The following TOX variants were observed in gnomAD, a reference collection of about 807,000 sequenced individuals.
TOX encodes the protein thymocyte selection-associated high mobility group box protein TOX.
In TOX, 11 loss-of-function variants were observed where a neutral mutation model predicts 53.7. The observed-to-expected ratio is 0.20, with a 90% CI of 0.13 to 0.34. The LOEUF (loss-of-function observed/expected upper bound fraction) is 0.34. Among genes scored for constraint, TOX ranks in the 10% least tolerant of loss-of-function variants. The pLI is 1.00. For missense variants in TOX, 570 were observed against 664.6 expected (o/e 0.86, Z 1.56); for synonymous variants, 225 against 245.3 (o/e 0.92, Z 0.77).
At chr8:59,075,722 C>A (rs1804281554) in intron 1 of TOX, among the ~76,000 whole-genome samples, 1 of 152,014 alleles carries the variant, frequency 6.6e-6, no homozygotes, top group Non-Finnish European at 1.5e-5. Flanking sequence ...TAGCTAAAAC[C>A]TTGATGAGAT....
intron 4 of TOX, among the ~76,000 whole-genome samples, chr8:58,848,420 A>C (rs1387480801): frequency 1.3e-5 from 2 of 152,150 alleles, no homozygotes; most frequent in African/African-American, 2.4e-5. Flanking sequence ...TAAAGATTTC[A>C]TTTTAAAGTA....
At chr8:59,000,639 T>C (rs141913423) in intron 1 of TOX, among the ~76,000 whole-genome samples, 228 of 152,328 alleles carry the variant, frequency 1.5e-3, no homozygotes, top group Middle Eastern at 0.014. Flanking sequence ...AGTATTATTG[T>C]TACTCAGTAG....
chr8:58,903,812 T>C (rs7828772), intron 3 of TOX, among the ~76,000 whole-genome samples: 5,387 of 152,286 alleles, frequency 0.035, 312 homozygotes, highest in African/African-American at 0.12. Context: ...CTTAGAGATA[T>C]TTAATTAATG....
chr8:59,050,529 T>G (rs1006266843), intron 1 of TOX, among the ~76,000 whole-genome samples: 4 of 152,248 alleles, frequency 2.6e-5, no homozygotes, highest in Non-Finnish European at 5.9e-5. Flanking sequence ...TTTATTGAAA[T>G]TTTTTTCTAA....
At chr8:58,864,342 C>T (rs553278411) in intron 3 of TOX, among the ~76,000 whole-genome samples, 23 of 152,172 alleles carry the variant, frequency 1.5e-4, no homozygotes, top group African/African-American at 5.5e-4. Context: ...TCTGTAGTTT[C>T]AAGACTATAT....
intron 1 of TOX, among the ~76,000 whole-genome samples, chr8:59,065,231 C>CA (rs1804065431): frequency 2.0e-5 from 3 of 151,994 alleles, no homozygotes; most frequent in African/African-American, 7.2e-5. Context: ...ACAACAACAA[C>CA]AACAAAAAAA....
intron 3 of TOX, among the ~76,000 whole-genome samples, chr8:58,926,612 C>T (rs972636457): frequency 6.6e-6 from 1 of 152,212 alleles, no homozygotes; most frequent in African/African-American, 2.4e-5. Flanking sequence ...TTTAGACCTA[C>T]TATTCTTGGC....
intron 6 of TOX, among the ~76,000 whole-genome samples, chr8:58,823,440 T>G (rs1197791081): frequency 1.3e-5 from 2 of 152,138 alleles, no homozygotes; most frequent in African/African-American, 2.4e-5. Context: ...GCCAGGCTGG[T>G]CTTGAACTCC....
intron 1 of TOX, among the ~76,000 whole-genome samples, chr8:59,105,501 T>C (rs569057004): frequency 2.4e-4 from 36 of 152,196 alleles, no homozygotes; most frequent in Non-Finnish European, 3.8e-4. Context: ...TTCTTTAGCA[T>C]TTTAAAGGTA....
intron 1 of TOX, among the ~76,000 whole-genome samples, chr8:59,020,639 T>A (rs1814106620): frequency 6.6e-6 from 1 of 152,160 alleles, no homozygotes; most frequent in Admixed American, 6.5e-5. Context: ...TATCATACTT[T>A]TACATTGCAT....
chr8:58,947,458 T>C (rs995454126), intron 2 of TOX, among the ~76,000 whole-genome samples: 14 of 152,182 alleles, frequency 9.2e-5, no homozygotes, highest in African/African-American at 3.1e-4. Context: ...TATATGTAAT[T>C]TACAGCAATT....
At chr8:59,083,317 A>AT (rs1804444765) in intron 1 of TOX, among the ~76,000 whole-genome samples, 1 of 152,240 alleles carries the variant, frequency 6.6e-6, no homozygotes, top group Admixed American at 6.5e-5. Flanking sequence ...AGCTGCATCA[A>AT]TTTTAAATAC....
rs1034291718 is a variant in TOX, at chr8:59,074,763, T to C, written c.102+44123A>G. Among the ~76,000 whole-genome samples the C allele has an allele frequency of 3.3e-5, 5 of 152,196 alleles. No homozygotes were observed. In the South Asian group the frequency reaches 8.3e-4, roughly 25 times the overall value. On this transcript the variant is annotated intron_variant, in intron 1 of 8. Coordinates refer to ENST00000361421, the MANE Select transcript of TOX (RefSeq NM_014729.3). Reference sequence around the variant, plus strand: ...AAAAATTTGAGTATAGCTTGAGCATTAAAGGAGCGACAGCAGCGTGGAAAA... The same window carrying C: ...AAAAATTTGAGTATAGCTTGAGCATCAAAGGAGCGACAGCAGCGTGGAAAA...
intron 1 of TOX, among the ~76,000 whole-genome samples, chr8:59,019,384 T>A (rs1045126602): frequency 1.3e-5 from 2 of 152,138 alleles, no homozygotes; most frequent in Non-Finnish European, 2.9e-5. Flanking sequence ...ACAATCCTGA[T>A]CTTATCAAAA....
At chr8:58,858,878 C>T (rs1810960281) in intron 3 of TOX, among the ~76,000 whole-genome samples, 2 of 152,134 alleles carry the variant, frequency 1.3e-5, no homozygotes, top group South Asian at 4.1e-4. Flanking sequence ...TTTCATTTTT[C>T]TTAGGAATAA....
At chr8:58,866,862 A>G (rs1811112450) in intron 3 of TOX, among the ~76,000 whole-genome samples, 1 of 152,196 alleles carries the variant, frequency 6.6e-6, no homozygotes, top group Admixed American at 6.5e-5. Flanking sequence ...ATAAGCTCAA[A>G]GTTCCTCTGT....
At chr8:59,004,532 A>C (rs1000181110) in intron 1 of TOX, among the ~76,000 whole-genome samples, 1 of 152,238 alleles carries the variant, frequency 6.6e-6, no homozygotes, top group Non-Finnish European at 1.5e-5. Context: ...CATTATAATA[A>C]TTAGGGATCT....
At chr8:58,853,277 C>T (rs1431496682) in intron 3 of TOX, among the ~76,000 whole-genome samples, 2 of 152,308 alleles carry the variant, frequency 1.3e-5, no homozygotes, top group Non-Finnish European at 2.9e-5. Context: ...TCCGAATCAA[C>T]GTTTTTTCCA....
At chr8:59,043,191 A>G (rs913430350) in intron 1 of TOX, among the ~76,000 whole-genome samples, 1 of 93,394 alleles carries the variant, frequency 1.1e-5, no homozygotes, top group Non-Finnish European at 2.2e-5. Flanking sequence ...GAAATTACCT[A>G]CTTTCTTTTC....
Sources: gnomAD v4.1 joint callset for allele counts (sites outside exome capture counted in the v4.1 genomes callset) on GRCh38, gnomAD v4.1.1 for gene constraint, MANE v1.5 for transcripts, NCBI Gene and HGNC (gene_info 2026-07-23, HGNC 2026-07-21) for gene names.